The following POLR2F variants were observed in gnomAD, a reference collection of about 807,000 sequenced individuals.
POLR2F encodes DNA-directed RNA polymerases I, II, and III subunit RPABC2.
In POLR2F, 12 loss-of-function variants were observed where a neutral mutation model predicts 22.7. That is an observed-to-expected ratio of 0.53 (90% CI 0.34 to 0.86). POLR2F has a LOEUF of 0.86. Ranked by LOEUF, POLR2F falls within the 40% of genes least tolerant of loss-of-function variation. The pLI, the probability that POLR2F is intolerant of heterozygous loss-of-function variation, is 0.02. For missense variants in POLR2F, 126 were observed against 171.5 expected, an observed-to-expected ratio of 0.73 and a Z score of 1.48; for synonymous variants, 57 against 66.0, an observed-to-expected ratio of 0.86 and a Z score of 0.66.
At chr22:37,987,416 AC>A in intron 1 of POLR2F, 1 of 392,164 alleles carries the variant, frequency 2.5e-6, no homozygotes, top group Admixed American at 2.7e-5. Flanking sequence ...GTGACCCTTC[AC>A]CCCCCAGCTC....
At chr22:38,038,472 C>T (rs1204936973) in intron 5 of POLR2F, among the ~76,000 whole-genome samples, 2 of 152,060 alleles carry the variant, frequency 1.3e-5, no homozygotes, top group Admixed American at 6.5e-5. Flanking sequence ...ACCCAGGAGC[C>T]ACCCGGGCAC....
intron 5 of POLR2F, among the ~76,000 whole-genome samples, chr22:38,034,644 G>C (rs1267818295): frequency 6.6e-6 from 1 of 152,174 alleles, no homozygotes; most frequent in Non-Finnish European, 1.5e-5. Context: ...GTCCCCCTCT[G>C]TAAAATGGGG....
chr22:38,039,427 G>A (rs2085150262), intron 5 of POLR2F, among the ~76,000 whole-genome samples: 3 of 152,202 alleles, frequency 2.0e-5, no homozygotes, highest in Admixed American at 2.0e-4. Context: ...TTCAGATGAG[G>A]AAACTGAGGC....
intron 1 of POLR2F, among the ~76,000 whole-genome samples, chr22:38,000,076 C>T (rs1221463013): frequency 3.3e-5 from 5 of 152,190 alleles, no homozygotes; most frequent in Non-Finnish European, 5.9e-5. Flanking sequence ...TGTGTGCCAG[C>T]GTCATTTCCA....
intron 1 of POLR2F, among the ~76,000 whole-genome samples, chr22:38,009,888 T>C (rs566340513): frequency 1.3e-5 from 2 of 152,356 alleles, no homozygotes; most frequent in South Asian, 4.1e-4. Context: ...TGTCATTGTA[T>C]GGCTAGACCA....
chr22:37,985,974 C>T, upstream of POLR2F: 2 of 993,658 alleles, frequency 2.0e-6, no homozygotes, highest in Non-Finnish European at 2.8e-6. Context: ...GGACAATCTC[C>T]CCCCAGTTTT....
chr22:37,985,975 C>G, upstream of POLR2F: 1 of 1,013,530 alleles, frequency 9.9e-7, no homozygotes. Flanking sequence ...GACAATCTCC[C>G]CCCAGTTTTC....
At chr22:38,029,495 A>G (rs371870812), downstream of POLR2F, among the ~76,000 whole-genome samples, 4 of 152,340 alleles carry the variant, frequency 2.6e-5, no homozygotes, top group South Asian at 2.1e-4. Flanking sequence ...CAGTGTGTGC[A>G]GGGCACAGGG....
chr22:37,986,524 C>T lies in POLR2F; in HGVS notation c.120+212C>T, dbSNP rs117065816. The T allele has an allele frequency of 1.5e-3, 1,761 of 1,187,792 alleles. 33 individuals are homozygous for T. In the East Asian group the frequency reaches 0.036, roughly 24 times the overall value. 73.6% of individuals were successfully genotyped at this position (1,187,792 alleles called of 1,614,324 possible). A position where few individuals can be genotyped will look rare whatever the true frequency, so the allele number is the denominator to read the frequency against. ...GCTTCCTCCTTTGCCCTCCTTGGTC[C>T]AGCTGTGCCAGGATGGGGGTGGGGG... On this transcript the variant is annotated intron_variant, in intron 1 of 2. Transcript: ENST00000333418. The surrounding 1 kb of genome is among the most constrained non-coding windows in gnomAD (Gnocchi z 4.7).
At chr22:37,983,362 G>C (rs1035786104), upstream of POLR2F, 2 of 1,607,978 alleles carry the variant, frequency 1.2e-6, no homozygotes, top group East Asian at 2.2e-5. This position sits in a 1 kb window ranked among gnomAD's most constrained non-coding sequence, Gnocchi z 9.5. Context: ...CTCACCTCCA[G>C]AGCTTGCCCA....
At chr22:37,967,260 G>A in intron 4 of POLR2F, 90 bp downstream of exon 4, 1 of 1,590,102 alleles carries the variant, frequency 6.3e-7, no homozygotes, top group South Asian at 1.1e-5. Context: ...CACTTGCCTG[G>A]CTGGAGAAGT....
At chr22:37,989,912 G>T (rs1241686104) in intron 1 of POLR2F, among the ~76,000 whole-genome samples, 2 of 152,230 alleles carry the variant, frequency 1.3e-5, no homozygotes, top group Non-Finnish European at 2.9e-5. Context: ...AGGCACTGCT[G>T]CAGCCCCACT....
chr22:38,015,610 T>C (rs1445075139), intron 1 of POLR2F, among the ~76,000 whole-genome samples: 1 of 152,102 alleles, frequency 6.6e-6, no homozygotes, highest in Admixed American at 6.5e-5. Flanking sequence ...GAGCCCTGGG[T>C]TGGAATCCCG....
Position 37,978,255 on chromosome 22 carries a change from C to T in POLR2F, c.293+11085C>T. ...AGATGTGAGGCCCTGGGATGGGGCACCCAGAGGACAGGACCCGGGGTGGGG... is the reference window on the plus strand; with the variant it reads ...AGATGTGAGGCCCTGGGATGGGGCATCCAGAGGACAGGACCCGGGGTGGGG... On this transcript the variant is annotated intron_variant, in intron 4 of 4. Coordinates refer to the POLR2F transcript ENST00000405557. This position sits in a 1 kb window ranked among gnomAD's most constrained non-coding sequence, Gnocchi z 5.0. The T allele has an allele frequency of 8.9e-7, 1 of 1,123,580 alleles. No homozygotes were observed. Among genetic ancestry groups the T allele is most frequent in the South Asian group, 1.7e-5 (1 of 59,784 alleles). The allele number at this position is 1,123,580 out of a possible 1,614,324, so 69.6% of individuals were successfully genotyped here.
chr22:37,956,892 C>G, intron 2 of POLR2F, 50 bp downstream of exon 2: 1 of 1,403,686 alleles, frequency 7.1e-7, no homozygotes, highest in Non-Finnish European at 1.0e-6. Flanking sequence ...GCTGCCAAAT[C>G]GTCTGACAGG....
At chr22:37,959,717 T>A (rs1446199251) in intron 3 of POLR2F, among the ~76,000 whole-genome samples, 5 of 141,296 alleles carry the variant, frequency 3.5e-5, no homozygotes, top group African/African-American at 2.6e-5. Flanking sequence ...AGAAAAACGA[T>A]AAAAAAAAAA....
At chr22:38,013,766 T>G (rs2084892073) in intron 1 of POLR2F, among the ~76,000 whole-genome samples, 1 of 152,184 alleles carries the variant, frequency 6.6e-6, no homozygotes, top group South Asian at 2.1e-4. Flanking sequence ...TCATGTTTTG[T>G]GATGTGGTTT....
In POLR2F at chr22:38,016,582, G is replaced by A. The variant is rs2084917158; in HGVS notation, c.121-9287G>A. ...GGGGTGGGGGCTTAGAAGCAGCTGC[G>A]CGCGACGTTGACATTGTTCCCACCA... On this transcript the variant is annotated intron_variant, in intron 1 of 2. Coordinates refer to the POLR2F transcript ENST00000333418. This position sits in a 1 kb window ranked among gnomAD's most constrained non-coding sequence, Gnocchi z 4.4. Among the ~76,000 whole-genome samples the A allele has an allele frequency of 6.6e-6, 1 of 152,228 alleles. No homozygotes were observed. The highest frequency in any genetic ancestry group is 6.5e-5 in the Admixed American group (1 of 15,286).
intron 1 of POLR2F, among the ~76,000 whole-genome samples, chr22:38,023,759 G>A (rs982904335): frequency 6.6e-6 from 1 of 151,350 alleles, no homozygotes; most frequent in South Asian, 2.1e-4. Context: ...TGCAACCTCT[G>A]CCTCCCGGGT....
Sources: gnomAD v4.1 joint callset for allele counts (sites outside exome capture counted in the v4.1 genomes callset) on GRCh38, gnomAD v4.1.1 for gene constraint, Gnocchi (gnomAD v3.1) non-coding constraint, MANE v1.5 for transcripts, NCBI Gene and HGNC (gene_info 2026-07-23, HGNC 2026-07-21) for gene names.